The following MICU2 variants were observed in gnomAD, a reference collection of about 807,000 sequenced individuals.
The protein encoded by MICU2 is mitochondrial calcium uptake 2.
MICU2 carries 64 observed loss-of-function variants against 60.4 expected under a neutral mutation model. That is an observed-to-expected ratio of 1.06 (90% confidence interval 0.87 to 1.31). MICU2 has a LOEUF of 1.31. Among genes scored for constraint, MICU2 ranks in the 50% most tolerant of loss-of-function variants. The probability of loss-of-function intolerance (pLI) is 0.00; values close to 1 mark genes in which losing one functional copy is unlikely to be tolerated. For synonymous variants in MICU2, 201 were observed against 175.0 expected (o/e 1.15, Z -1.17); for missense variants, 569 against 531.0 (o/e 1.07, Z -0.70).
intron 1 of MICU2, among the ~76,000 whole-genome samples, chr13:21,603,273 A>G (rs965354111): frequency 2.6e-5 from 4 of 152,044 alleles, no homozygotes; most frequent in African/African-American, 9.7e-5. Context: ...CGCCCGGCGG[A>G]CTCTTGTCTT....
intron 4 of MICU2, among the ~76,000 whole-genome samples, 176 bp downstream of exon 4, chr13:21,539,126 G>C (rs1276950971): frequency 6.6e-6 from 1 of 151,882 alleles, no homozygotes; most frequent in African/African-American, 2.4e-5. Context: ...TTAAAACATT[G>C]ATGTTTTAAT....
chr13:21,524,702 A>G (rs1886804867), intron 4 of MICU2, among the ~76,000 whole-genome samples: 1 of 152,206 alleles, frequency 6.6e-6, no homozygotes, highest in Non-Finnish European at 1.5e-5. Context: ...CTGTTGTACA[A>G]CCGTCATTAG....
In MICU2 at chr13:21,517,806, C is replaced by T. The variant is rs879606369; in HGVS notation, c.598-3388G>A. Among the ~76,000 whole-genome samples, 1,366 of 151,114 alleles carry T rather than the reference C, an allele frequency of 9.0e-3. 10 individuals carry two copies. Among genetic ancestry groups the T allele is most frequent in the Non-Finnish European group, 0.015 (994 of 67,680 alleles). ...ACACACACACACACACACACGCGCG[C>T]GCGCGCGCACACGCGCTACATACTT... On this transcript the variant is annotated intron_variant, in intron 6 of 11. Coordinates refer to ENST00000382374, the MANE Select transcript of MICU2 (RefSeq NM_152726.3).
At chr13:21,562,193 G>C (rs1887862998) in intron 2 of MICU2, among the ~76,000 whole-genome samples, 1 of 152,030 alleles carries the variant, frequency 6.6e-6, no homozygotes, top group Admixed American at 6.5e-5. Context: ...TGTCTTTATA[G>C]CAGCATGATT....
At chr13:21,594,012 A>C (rs1339552895) in intron 1 of MICU2, among the ~76,000 whole-genome samples, 1 of 152,244 alleles carries the variant, frequency 6.6e-6, no homozygotes, top group East Asian at 1.9e-4. Flanking sequence ...AATTGCAACA[A>C]AAGCCAAAAT....
At chr13:21,494,937 ACAGT>A (rs1439001622) in intron 11 of MICU2, among the ~76,000 whole-genome samples, 4 of 152,168 alleles carry the variant, frequency 2.6e-5, no homozygotes, top group Non-Finnish European at 4.4e-5. Context: ...ATCGTAGCTC[ACAGT>A]CACTTTAAAT....
intron 8 of MICU2, 62 bp downstream of exon 8, chr13:21,509,942 C>A: frequency 1.1e-6 from 1 of 909,878 alleles, no homozygotes. Context: ...TGAATATATT[C>A]TGTTTCTCTT....
chr13:21,559,669 T>G (rs185735606), intron 2 of MICU2, among the ~76,000 whole-genome samples: 1 of 151,950 alleles, frequency 6.6e-6, no homozygotes, highest in African/African-American at 2.4e-5. Flanking sequence ...GGACTACAGA[T>G]GCACGCCACC....
chr13:21,493,607 G>A (rs1404231682), intron 11 of MICU2, among the ~76,000 whole-genome samples: 1 of 152,008 alleles, frequency 6.6e-6, no homozygotes, highest in African/African-American at 2.4e-5. Context: ...TCTCTAAGAG[G>A]GTAATGAAGA....
At chr13:21,515,697 A>G (rs997654597) in intron 6 of MICU2, 2 of 237,750 alleles carry the variant, frequency 8.4e-6, no homozygotes, top group Non-Finnish European at 1.8e-5. Flanking sequence ...ACAGTTTGAA[A>G]ACTGCTGCAA....
chr13:21,525,412 C>T (rs901789534), intron 4 of MICU2, among the ~76,000 whole-genome samples: 2 of 151,708 alleles, frequency 1.3e-5, no homozygotes, highest in African/African-American at 2.4e-5. Flanking sequence ...AGGATGATCT[C>T]GATCTCCTGA....
intron 1 of MICU2, among the ~76,000 whole-genome samples, chr13:21,572,080 C>A (rs1294485905): frequency 6.6e-6 from 1 of 152,136 alleles, no homozygotes; most frequent in East Asian, 1.9e-4. Flanking sequence ...CAAAACCCTG[C>A]CATATTAAAA....
chr13:21,578,987 A>G (rs746751469), intron 1 of MICU2, among the ~76,000 whole-genome samples: 1 of 152,206 alleles, frequency 6.6e-6, no homozygotes, highest in Non-Finnish European at 1.5e-5. Context: ...TGTAAATCTG[A>G]ATGAATGACT....
intron 6 of MICU2, among the ~76,000 whole-genome samples, chr13:21,517,805 GCGCGCGCGCACA>G (rs1027345796): frequency 1.8e-4 from 27 of 148,910 alleles, no homozygotes; most frequent in Non-Finnish European, 3.7e-4. Context: ...ACACACGCGC[GCGCGCGCGCACA>G]CGCGCTACAT....
chr13:21,515,553 G>C (rs1566143985), intron 6 of MICU2: 1 of 440,376 alleles, frequency 2.3e-6, no homozygotes, highest in East Asian at 7.0e-5. Flanking sequence ...AGAATCAATT[G>C]TATCAATCCT....
chr13:21,584,378 G>A (rs1360830053), intron 1 of MICU2, among the ~76,000 whole-genome samples: 1 of 144,784 alleles, frequency 6.9e-6, no homozygotes, highest in African/African-American at 2.6e-5. Context: ...GACAGAGCGA[G>A]ACTCCATCTC....
At chr13:21,522,816 T>TA (rs980158749) in intron 4 of MICU2, among the ~76,000 whole-genome samples, 166 bp from the exon 5 acceptor site, 8 of 152,264 alleles carry the variant, frequency 5.3e-5, no homozygotes, top group African/African-American at 1.9e-4. Context: ...GCCTAATACT[T>TA]AAAAAAAGAA....
chr13:21,559,064 T>G (rs967044788), intron 2 of MICU2, among the ~76,000 whole-genome samples: 2 of 152,162 alleles, frequency 1.3e-5, no homozygotes, highest in Non-Finnish European at 2.9e-5. Context: ...CCCAGACTCT[T>G]AGTTTTCTTA....
intron 2 of MICU2, among the ~76,000 whole-genome samples, chr13:21,556,933 G>A (rs1887722780): frequency 6.6e-6 from 1 of 152,098 alleles, no homozygotes; most frequent in Non-Finnish European, 1.5e-5. Context: ...GCTCCGATCT[G>A]CACAATCACA....
Sources: gnomAD v4.1 joint callset for allele counts (sites outside exome capture counted in the v4.1 genomes callset) on GRCh38, gnomAD v4.1.1 for gene constraint, MANE v1.5 for transcripts, NCBI Gene and HGNC (gene_info 2026-07-23, HGNC 2026-07-21) for gene names.